Variants in PSMF1 observed in about 807,000 individuals in gnomAD.
PSMF1 encodes proteasome inhibitor PI31 subunit.
PSMF1 carries 30 observed loss-of-function variants against 29.3 expected under a neutral mutation model. The ratio of observed to expected loss-of-function variants is 1.02; its 90% CI spans 0.77 to 1.39. PSMF1 has a LOEUF of 1.39. Ranked by LOEUF, PSMF1 falls within the 40% of genes most tolerant of loss-of-function variation. The pLI is 0.00. For missense variants in PSMF1, 344 were observed against 357.5 expected (o/e 0.96, Z 0.31); for synonymous variants, 134 against 139.7 (o/e 0.96, Z 0.29).
intron 4 of PSMF1, among the ~76,000 whole-genome samples, chr20:1,151,575 C>CT (rs2086531328): frequency 6.6e-6 from 1 of 152,206 alleles, no homozygotes; most frequent in Non-Finnish European, 1.5e-5. Context: ...CCAAATCAAT[C>CT]TAAGTGTCCA....
chr20:1,154,663 AG>A (rs1337628502), intron 4 of PSMF1, among the ~76,000 whole-genome samples: 1 of 152,246 alleles, frequency 6.6e-6, no homozygotes, highest in Non-Finnish European at 1.5e-5. Flanking sequence ...GCAGAATCTG[AG>A]GTCCCACTCC....
Position 1,171,734 on chromosome 20 carries a change from G to A in PSMF1, c.*6654G>A, listed in dbSNP as rs1291045159. Among the ~76,000 whole-genome samples, 1 of 152,206 alleles carries A rather than the reference G, an allele frequency of 6.6e-6. No individual in the cohort carries two copies. The highest frequency in any genetic ancestry group is 1.9e-4 in the East Asian group (1 of 5,184). ...GCCTTTGGAGCCAGCTCAGGTCAGT[G>A]TCTGCTGCTTCCTTACCCAGGATGG... On this transcript the variant is annotated 3_prime_UTR_variant, in exon 7 of 7. Coordinates refer to ENST00000335877, the MANE Select transcript of PSMF1 (RefSeq NM_006814.5).
intron 3 of PSMF1, among the ~76,000 whole-genome samples, chr20:1,133,551 A>G (rs781708299): frequency 4.9e-5 from 3 of 61,196 alleles, no homozygotes; most frequent in Non-Finnish European, 7.5e-5. Context: ...TAGTCTATAT[A>G]TGTGTATATA....
chr20:1,141,880 G>A (rs1436842638), intron 4 of PSMF1, among the ~76,000 whole-genome samples: 3 of 152,126 alleles, frequency 2.0e-5, no homozygotes, highest in African/African-American at 4.8e-5. Context: ...CAATAAACAC[G>A]TGGAACGAAA....
intron 2 of PSMF1, chr20:1,126,058 C>A: frequency 2.4e-6 from 1 of 423,126 alleles, no homozygotes; most frequent in Non-Finnish European, 4.7e-6. Context: ...CTCACACAGC[C>A]CTTCACCATT....
At chr20:1,127,930 T>C (rs1327220450) in intron 3 of PSMF1, among the ~76,000 whole-genome samples, 2 of 151,858 alleles carry the variant, frequency 1.3e-5, no homozygotes, top group East Asian at 3.9e-4. Context: ...TATTACCTCC[T>C]GCTCCCATAC....
At chr20:1,145,527 C>T (rs1291158263) in intron 4 of PSMF1, among the ~76,000 whole-genome samples, 1 of 152,160 alleles carries the variant, frequency 6.6e-6, no homozygotes, top group Non-Finnish European at 1.5e-5. Flanking sequence ...AGCCTGAAAG[C>T]CTGTCCTGTG....
At chr20:1,123,003 C>T (rs1211325071) in intron 1 of PSMF1, among the ~76,000 whole-genome samples, 1 of 152,154 alleles carries the variant, frequency 6.6e-6, no homozygotes, top group Non-Finnish European at 1.5e-5. Flanking sequence ...TAAACAAATC[C>T]ACGACACTAA....
chr20:1,164,961 G>A lies in PSMF1; in HGVS notation c.765-68G>A, dbSNP rs2086710424. The A allele has an allele frequency of 1.5e-6, 2 of 1,369,700 alleles. No homozygotes were observed. The highest frequency in any genetic ancestry group is 2.1e-6 in the Non-Finnish European group (2 of 958,000). 84.8% of individuals were successfully genotyped at this position (1,369,700 alleles called of 1,614,324 possible). ...GAAGGGCAGGCTCCCTCAGTGCAGG[G>A]TCATGTCTGCCCATGTTCCCCTGGT... On this transcript the variant is annotated intron_variant, in intron 6 of 6. Transcript: ENST00000335877. This position sits in a 1 kb window ranked among gnomAD's most constrained non-coding sequence, Gnocchi z 4.1.
chr20:1,118,406 T>C (rs891570004), upstream of PSMF1: 6 of 201,038 alleles, frequency 3.0e-5, no homozygotes, highest in Non-Finnish European at 6.1e-5. Flanking sequence ...ATGGGAAGTC[T>C]GCCTCTCAGC....
chr20:1,165,152 A>G lies in PSMF1; in HGVS notation c.*72A>G. 1 of 1,612,464 alleles carries G rather than the reference A, an allele frequency of 6.2e-7. No individual in the cohort carries two copies. Among genetic ancestry groups the G allele is most frequent in the Non-Finnish European group, 8.5e-7 (1 of 1,178,986 alleles). ...GCTGCCACCGCTGTCCCCATCAGCAACCATGTTCTTGCAGGCTGGGGGCAA... is the reference window on the plus strand; with the variant it reads ...GCTGCCACCGCTGTCCCCATCAGCAGCCATGTTCTTGCAGGCTGGGGGCAA... On this transcript the variant is annotated 3_prime_UTR_variant, in exon 7 of 7. Coordinates refer to ENST00000335877, the MANE Select transcript of PSMF1 (RefSeq NM_006814.5).
intron 4 of PSMF1, among the ~76,000 whole-genome samples, chr20:1,140,101 C>T (rs193287939): frequency 8.5e-5 from 13 of 152,276 alleles, no homozygotes; most frequent in Non-Finnish European, 1.6e-4. Context: ...AATTGGCAAG[C>T]TGATCCTAAA....
At position 1,164,322 on chromosome 20, in the gene PSMF1, C is replaced by T. The variant is rs371970750; in HGVS notation, c.610C>T (p.Arg204Trp). ...TAACTTTTCTTCTTGCCTCAGGCCTCGGAGAGGTGGCATGATTGTGGATCC... is the reference window on the plus strand; with the variant it reads ...TAACTTTTCTTCTTGCCTCAGGCCTTGGAGAGGTGGCATGATTGTGGATCC... ...GGEDLDPFGP[R>W]RGGMIVDPLR... The change falls in exon 6 of 7, where the codon CGG becomes TGG. Residue 204 changes from arginine (R) to tryptophan (W), a missense_variant. Arg to Trp is a moderately radical substitution (Grantham distance 101). Transcript: ENST00000335877. The surrounding 1 kb of genome is among the most constrained non-coding windows in gnomAD (Gnocchi z 4.1). 23 of 1,613,498 alleles carry T rather than the reference C, an allele frequency of 1.4e-5. No individual in the cohort carries two copies. The East Asian group carries it at 2.0e-4, about 14-fold the overall frequency.
At chr20:1,147,163 A>C (rs58424358) in intron 4 of PSMF1, among the ~76,000 whole-genome samples, 2 of 134,108 alleles carry the variant, frequency 1.5e-5, no homozygotes, top group East Asian at 4.2e-4. Flanking sequence ...CATCATCATC[A>C]TCATCATCAT....
At chr20:1,133,569 A>ATATATATATATATATATTTTTTTTTTT in intron 3 of PSMF1, among the ~76,000 whole-genome samples, 10 of 53,290 alleles carry the variant, frequency 1.9e-4, no homozygotes, top group South Asian at 6.8e-4. Context: ...ATATATATAT[A>ATATATATATATATATATTTTTTTTTTT]TTTTTTTTTT....
intron 1 of PSMF1, among the ~76,000 whole-genome samples, chr20:1,121,684 A>G (rs939313913): frequency 1.3e-5 from 2 of 152,140 alleles, no homozygotes; most frequent in African/African-American, 4.8e-5. Context: ...TTGACTATAC[A>G]AGTTGACAGT....
At position 1,163,026 on chromosome 20, in the gene PSMF1, C is replaced by G; in HGVS notation, c.552-104C>G. The G allele has an allele frequency of 1.6e-6, 2 of 1,241,094 alleles. No individual in the cohort carries two copies. Among genetic ancestry groups the G allele is most frequent in the South Asian group, 1.3e-5 (1 of 78,204 alleles). The allele number at this position is 1,241,094 out of a possible 1,614,324, so 76.9% of individuals were successfully genotyped here. A position where few individuals can be genotyped will look rare whatever the true frequency, so the allele number is the denominator to read the frequency against. Reference sequence around the variant, plus strand: ...CCTGAAATATCCCTTGTGCTATGGTCTCATGCAAGGGTTTCCCATGCCTGT... The same window carrying G: ...CCTGAAATATCCCTTGTGCTATGGTGTCATGCAAGGGTTTCCCATGCCTGT... On this transcript the variant is annotated intron_variant, in intron 4 of 6. Transcript: ENST00000335877. This position sits in a 1 kb window ranked among gnomAD's most constrained non-coding sequence, Gnocchi z 6.1.
At chr20:1,134,853 A>G (rs2086281077) in intron 3 of PSMF1, 4 of 522,206 alleles carry the variant, frequency 7.7e-6, no homozygotes, top group African/African-American at 1.9e-5. Context: ...CTGTGCCCCT[A>G]CACCCTCACC....
Position 1,171,024 on chromosome 20 carries a change from A to C in PSMF1, c.*5944A>C, listed in dbSNP as rs1256082973. Among the ~76,000 whole-genome samples the C allele has an allele frequency of 6.6e-6, 1 of 152,110 alleles. No homozygotes were observed. The highest frequency in any genetic ancestry group is 1.9e-4 in the East Asian group (1 of 5,182). On this transcript the variant is annotated 3_prime_UTR_variant, in exon 7 of 7. Coordinates refer to ENST00000335877, the MANE Select transcript of PSMF1 (RefSeq NM_006814.5). ...GTGCTCTTTTCAGTAGAACTGCTGT[A>C]CCCAGACCTCACATCCTCTCTAGGT... is the stretch of plus-strand genomic sequence containing the variant.
Sources: allele counts gnomAD v4.1 joint callset (sites outside exome capture counted in the v4.1 genomes callset), GRCh38; gene constraint gnomAD v4.1.1; non-coding constraint Gnocchi (gnomAD v3.1); transcripts MANE v1.5; gene names NCBI Gene and HGNC (gene_info 2026-07-23, HGNC 2026-07-21).